The following PALM2AKAP2 variants were observed in gnomAD, a reference collection of about 807,000 sequenced individuals.
PALM2AKAP2 encodes the protein PALM2-AKAP2 fusion protein.
PALM2AKAP2 carries 37 observed loss-of-function variants against 71.5 expected under a neutral mutation model. The observed-to-expected ratio is 0.52, with a 90% CI of 0.40 to 0.68. The LOEUF (loss-of-function observed/expected upper bound fraction) is 0.68. Ranked by LOEUF, PALM2AKAP2 falls within the 30% of genes least tolerant of loss-of-function variation. The pLI is 0.00. For missense variants in PALM2AKAP2, 1,224 were observed against 1,191.8 expected (o/e 1.03, Z -0.40); for synonymous variants, 468 against 478.8 (o/e 0.98, Z 0.29).
chr9:109,924,065 A>G (rs1830896857), intron 4 of PALM2AKAP2, among the ~76,000 whole-genome samples: 1 of 152,214 alleles, frequency 6.6e-6, no homozygotes, highest in Non-Finnish European at 1.5e-5. Flanking sequence ...GCTGCAAGGC[A>G]TAGGGAAGAG....
In PALM2AKAP2 at chr9:109,947,083, G is replaced by GA. The variant is rs546597055; in HGVS notation, c.496+15057dup. On this transcript the variant is annotated intron_variant, in intron 6 of 9. Transcript: ENST00000302798. ...GTGATGGGGTGGAAGAGAAGGTAGG[G>GA]AATGCCCTTATGGCCAAACCTAAAA... Among the ~76,000 whole-genome samples, 6 of 152,340 alleles carry GA rather than the reference G, an allele frequency of 3.9e-5. No individual in the cohort carries two copies. The South Asian group carries it at 1.2e-3, about 32-fold the overall frequency.
chr9:109,781,673 C>G (rs1453411342), intron 1 of PALM2AKAP2, among the ~76,000 whole-genome samples: 1 of 152,306 alleles, frequency 6.6e-6, no homozygotes, highest in South Asian at 2.1e-4. Flanking sequence ...CTTTCTCAAA[C>G]GCCTCAAATC....
intron 2 of PALM2AKAP2, among the ~76,000 whole-genome samples, chr9:109,871,471 AT>A (rs1413995587): frequency 1.3e-5 from 2 of 152,158 alleles, no homozygotes; most frequent in Non-Finnish European, 2.9e-5. Context: ...TAGCTATATT[AT>A]TTTTGATGAT....
chr9:110,017,645 A>C (rs1159406138), intron 7 of PALM2AKAP2, among the ~76,000 whole-genome samples: 2 of 152,272 alleles, frequency 1.3e-5, no homozygotes, highest in East Asian at 1.9e-4. Flanking sequence ...GCATGTTGCC[A>C]GTGTAGCTGC....
chr9:110,149,554 G>T (rs1836260251), intron 2 of PALM2AKAP2, among the ~76,000 whole-genome samples: 1 of 152,204 alleles, frequency 6.6e-6, no homozygotes, highest in African/African-American at 2.4e-5. Context: ...CACCTTTCTA[G>T]ATTTTCTCCA....
At chr9:109,691,955 T>C (rs71499702) in intron 1 of PALM2AKAP2, among the ~76,000 whole-genome samples, 5 of 140,406 alleles carry the variant, frequency 3.6e-5, no homozygotes, top group African/African-American at 5.3e-5. Context: ...TATATATATA[T>C]ACATATATAT....
At chr9:109,664,417 G>A (rs748392608) in intron 1 of PALM2AKAP2, among the ~76,000 whole-genome samples, 4 of 152,114 alleles carry the variant, frequency 2.6e-5, no homozygotes, top group Non-Finnish European at 4.4e-5. Context: ...TTGCTTCTCT[G>A]TAAAGGATTT....
At chr9:109,688,387 G>A (rs1378186864) in intron 1 of PALM2AKAP2, among the ~76,000 whole-genome samples, 1 of 152,230 alleles carries the variant, frequency 6.6e-6, no homozygotes, top group Non-Finnish European at 1.5e-5. Context: ...GAGAAGCATT[G>A]AACTAGATGA....
At chr9:109,902,316 A>G (rs1009676277) in intron 3 of PALM2AKAP2, among the ~76,000 whole-genome samples, 4 of 152,202 alleles carry the variant, frequency 2.6e-5, no homozygotes, top group African/African-American at 9.7e-5. Context: ...GCACCCTTTC[A>G]TCTTTCTCTC....
intron 3 of PALM2AKAP2, among the ~76,000 whole-genome samples, chr9:109,897,123 G>C (rs943314002): frequency 6.6e-6 from 1 of 152,164 alleles, no homozygotes; most frequent in Non-Finnish European, 1.5e-5. Flanking sequence ...ATAGAGTTGA[G>C]GGTTAAGAGT....
At chr9:109,959,212 T>C (rs1423591400) in intron 6 of PALM2AKAP2, among the ~76,000 whole-genome samples, 3 of 152,198 alleles carry the variant, frequency 2.0e-5, no homozygotes, top group East Asian at 1.9e-4. Context: ...TTGTTCTCAC[T>C]TGTGACTCCC....
At position 110,068,128 on chromosome 9, in the gene PALM2AKAP2, T is replaced by C. The variant is rs1223578959; in HGVS notation, c.156+19273T>C. Among the ~76,000 whole-genome samples the C allele has an allele frequency of 2.8e-5, 4 of 140,828 alleles. No homozygotes were observed. The East Asian group carries it at 8.1e-4, about 29-fold the overall frequency. The allele number at this position is 140,828 out of a possible 152,430, so 92.4% of individuals were successfully genotyped here. On this transcript the variant is annotated intron_variant, in intron 1 of 3. Coordinates refer to ENST00000374525, the Ensembl canonical transcript of PALM2AKAP2. ...TTGGTAAGATAATTTTGAATATCAG[T>C]AGAACTTGGGGCAGATAGAATGACA...
chr9:109,863,993 T>C (rs1231172740), intron 1 of PALM2AKAP2, among the ~76,000 whole-genome samples: 1 of 151,858 alleles, frequency 6.6e-6, no homozygotes, highest in East Asian at 1.9e-4. Context: ...CACAGGGAAA[T>C]TGCTTGAACT....
At chr9:109,647,566 T>A (rs961026972) in intron 1 of PALM2AKAP2, among the ~76,000 whole-genome samples, 2 of 152,200 alleles carry the variant, frequency 1.3e-5, no homozygotes, top group Non-Finnish European at 2.9e-5. Context: ...ATTCATCATG[T>A]TTGAGAGCCC....
chr9:109,898,268 G>A (rs548796416), intron 3 of PALM2AKAP2, among the ~76,000 whole-genome samples: 17 of 152,306 alleles, frequency 1.1e-4, no homozygotes, highest in African/African-American at 3.4e-4. Flanking sequence ...TCAAGGTCAA[G>A]CTCCCAATAT....
intron 2 of PALM2AKAP2, among the ~76,000 whole-genome samples, chr9:109,878,577 T>C (rs1180263664): frequency 2.0e-5 from 3 of 152,134 alleles, no homozygotes; most frequent in South Asian, 2.1e-4. Context: ...TGATGATGTA[T>C]TGTCAACACA....
At chr9:109,832,307 T>C (rs1828324358) in intron 1 of PALM2AKAP2, among the ~76,000 whole-genome samples, 1 of 152,212 alleles carries the variant, frequency 6.6e-6, no homozygotes, top group Non-Finnish European at 1.5e-5. Context: ...CTGAGATATA[T>C]AATGTTTCTA....
intron 6 of PALM2AKAP2, among the ~76,000 whole-genome samples, chr9:109,983,130 A>G (rs893005562): frequency 6.6e-6 from 1 of 152,190 alleles, no homozygotes; most frequent in Non-Finnish European, 1.5e-5. Flanking sequence ...TTTTCTTTCT[A>G]TGAGAGTGGG....
At chr9:110,166,751 C>T (rs1408809673) in intron 3 of PALM2AKAP2, among the ~76,000 whole-genome samples, 3 of 152,078 alleles carry the variant, frequency 2.0e-5, no homozygotes, top group Non-Finnish European at 4.4e-5. Context: ...TGGTCCATTC[C>T]TTTGACAAAG....
Sources: gnomAD v4.1 joint callset for allele counts (sites outside exome capture counted in the v4.1 genomes callset) on GRCh38, gnomAD v4.1.1 for gene constraint, MANE v1.5 for transcripts, NCBI Gene and HGNC (gene_info 2026-07-23, HGNC 2026-07-21) for gene names.